The following ARHGAP42 variants were observed in gnomAD, a reference collection of about 807,000 sequenced individuals.
ARHGAP42 encodes the protein rho GTPase-activating protein 42.
A neutral mutation model predicts 125.0 loss-of-function variants in ARHGAP42; 63 were observed. The observed-to-expected ratio is 0.50, with a 90% CI of 0.41 to 0.62. The LOEUF (loss-of-function observed/expected upper bound fraction) is 0.62, where lower values mean the gene tolerates loss of function less well. ARHGAP42 is among the 20% of genes least tolerant of loss of function. ARHGAP42 has a pLI of 0.00. For synonymous variants in ARHGAP42, 339 were observed against 351.0 expected (o/e 0.97, Z 0.38); for missense variants, 766 against 1,024.2 (o/e 0.75, Z 3.44).
chr11:100,919,181 G>A (rs1309688470), intron 5 of ARHGAP42, among the ~76,000 whole-genome samples: 1 of 152,140 alleles, frequency 6.6e-6, no homozygotes, highest in Non-Finnish European at 1.5e-5. Context: ...CACCAAGGAA[G>A]TTCATTAGAG....
chr11:100,749,991 A>T (rs1031899662), intron 1 of ARHGAP42, among the ~76,000 whole-genome samples: 1 of 152,062 alleles, frequency 6.6e-6, no homozygotes, highest in Non-Finnish European at 1.5e-5. Flanking sequence ...GTTATTCCTC[A>T]CACTGGGTCC....
intron 1 of ARHGAP42, among the ~76,000 whole-genome samples, chr11:100,728,070 A>T (rs1861891642): frequency 6.6e-6 from 1 of 152,080 alleles, no homozygotes; most frequent in African/African-American, 2.4e-5. Context: ...AAAACTTGAC[A>T]CCTCTGCTCA....
chr11:100,980,576 TTTTTTTTTTTTTTG>T (rs1268640019), intron 22 of ARHGAP42, among the ~76,000 whole-genome samples: 3 of 120,572 alleles, frequency 2.5e-5, no homozygotes, highest in African/African-American at 8.9e-5. Flanking sequence ...TTTTTTTTTT[TTTTTTTTTTTTTTG>T]AGAAAGAGCC....
chr11:100,934,253 G>A (rs566596810), intron 7 of ARHGAP42, among the ~76,000 whole-genome samples: 2 of 152,142 alleles, frequency 1.3e-5, no homozygotes, highest in Admixed American at 6.5e-5. Context: ...CAAAATAACT[G>A]CTTTAAAACA....
At chr11:100,984,116 A>G (rs994602928) in intron 22 of ARHGAP42, among the ~76,000 whole-genome samples, 2 of 129,596 alleles carry the variant, frequency 1.5e-5, no homozygotes, top group Non-Finnish European at 3.4e-5. Flanking sequence ...GACCCTGTCT[A>G]AAAAAAAAAA....
intron 3 of ARHGAP42, among the ~76,000 whole-genome samples, chr11:100,848,849 T>G (rs1311159380): frequency 6.6e-6 from 1 of 152,186 alleles, no homozygotes; most frequent in Non-Finnish European, 1.5e-5. Context: ...CGAGCAGTTT[T>G]TCATAATTAT....
At chr11:100,907,931 A>G (rs76989003) in intron 4 of ARHGAP42, among the ~76,000 whole-genome samples, 7,981 of 152,292 alleles carry the variant, frequency 0.052, 383 homozygotes, top group East Asian at 0.25. Context: ...GGATTTCTCA[A>G]AGTAGTGCTT....
At chr11:100,968,046 T>A (rs1388943396) in intron 17 of ARHGAP42, among the ~76,000 whole-genome samples, 1 of 152,152 alleles carries the variant, frequency 6.6e-6, no homozygotes, top group Non-Finnish European at 1.5e-5. Flanking sequence ...GTCATTATAT[T>A]TTATCTTTAT....
intron 19 of ARHGAP42, 110 bp from the exon 20 acceptor site, chr11:100,975,947 G>T: frequency 8.0e-7 from 1 of 1,254,530 alleles, no homozygotes; most frequent in Non-Finnish European, 1.1e-6. Context: ...CTTTAATGGG[G>T]TCAGGTGGCC....
At chr11:100,911,478 A>G (rs898775037) in intron 4 of ARHGAP42, among the ~76,000 whole-genome samples, 3 of 152,164 alleles carry the variant, frequency 2.0e-5, no homozygotes, top group Non-Finnish European at 2.9e-5. Context: ...AAAAGTAGAT[A>G]TAATTTGAAT....
At chr11:100,696,700 C>T (rs1308552223) in intron 1 of ARHGAP42, among the ~76,000 whole-genome samples, 2 of 149,942 alleles carry the variant, frequency 1.3e-5, no homozygotes, top group Non-Finnish European at 3.0e-5. Context: ...GGGTCTTGCT[C>T]TGTTTCCCAG....
chr11:100,905,855 G>C (rs1866719762), intron 4 of ARHGAP42, among the ~76,000 whole-genome samples: 1 of 152,276 alleles, frequency 6.6e-6, no homozygotes, highest in South Asian at 2.1e-4. Flanking sequence ...GCGCATGACT[G>C]TGTTTCCAGC....
chr11:100,705,838 A>G (rs928770479), intron 1 of ARHGAP42, among the ~76,000 whole-genome samples: 9 of 152,154 alleles, frequency 5.9e-5, no homozygotes, highest in African/African-American at 9.7e-5. Flanking sequence ...GAGTGCTGGG[A>G]TTATAGGCGT....
intron 1 of ARHGAP42, among the ~76,000 whole-genome samples, chr11:100,710,101 T>C (rs529894029): frequency 6.6e-5 from 10 of 152,384 alleles, no homozygotes; most frequent in Non-Finnish European, 7.3e-5. Flanking sequence ...ATTACTCCTT[T>C]TTCTTAATGT....
intron 5 of ARHGAP42, among the ~76,000 whole-genome samples, chr11:100,917,331 C>G (rs1186963383): frequency 6.6e-6 from 1 of 152,056 alleles, no homozygotes. Context: ...CCTTCAGTTT[C>G]TGTCCCTGAA....
intron 4 of ARHGAP42, among the ~76,000 whole-genome samples, chr11:100,909,445 A>T (rs1866849399): frequency 6.6e-6 from 1 of 151,486 alleles, no homozygotes; most frequent in Admixed American, 6.6e-5. Context: ...CCAGGGTTCA[A>T]GCGATTCTCC....
intron 2 of ARHGAP42, among the ~76,000 whole-genome samples, chr11:100,784,347 T>G (rs1342868326): frequency 6.6e-6 from 1 of 152,146 alleles, no homozygotes; most frequent in East Asian, 1.9e-4. Flanking sequence ...GATAATGACA[T>G]GATCAAAGGT....
chr11:100,853,882 C>T (rs1865262465), intron 3 of ARHGAP42, among the ~76,000 whole-genome samples: 1 of 150,840 alleles, frequency 6.6e-6, no homozygotes, highest in Non-Finnish European at 1.5e-5. Flanking sequence ...CACTCTTATA[C>T]TAAAACTCCA....
At chr11:100,758,210 G>A (rs2120354297) in intron 1 of ARHGAP42, among the ~76,000 whole-genome samples, 1 of 152,242 alleles carries the variant, frequency 6.6e-6, no homozygotes, top group African/African-American at 2.4e-5. Flanking sequence ...GAAAATTTTT[G>A]GAGGTTTGTG....
Sources: gnomAD v4.1 joint callset for allele counts (sites outside exome capture counted in the v4.1 genomes callset) on GRCh38, gnomAD v4.1.1 for gene constraint, MANE v1.5 for transcripts, NCBI Gene and HGNC (gene_info 2026-07-23, HGNC 2026-07-21) for gene names.